Variants in RBM4B observed in about 807,000 individuals in gnomAD.
The protein encoded by RBM4B is RNA-binding protein 4B.
Under a neutral mutation model 28.5 loss-of-function variants are expected in RBM4B, and 13 were observed. That is an observed-to-expected ratio of 0.46 (90% CI 0.30 to 0.72). The LOEUF (loss-of-function observed/expected upper bound fraction) is 0.72, where lower values mean the gene tolerates loss of function less well. Ranked by LOEUF, RBM4B falls within the 30% of genes least tolerant of loss-of-function variation. The probability of loss-of-function intolerance (pLI) is 0.09; values close to 1 mark genes in which losing one functional copy is unlikely to be tolerated. For missense variants in RBM4B, 387 were observed against 477.6 expected, an observed-to-expected ratio of 0.81 and a Z score of 1.77; for synonymous variants, 167 against 179.1, an observed-to-expected ratio of 0.93 and a Z score of 0.54.
chr11:66,677,382 A>T, intron 1 of RBM4B: 1 of 458,112 alleles, frequency 2.2e-6, no homozygotes, highest in South Asian at 2.7e-5. Flanking sequence ...AAATGAGGGA[A>T]GAGAAAAGCC....
chr11:66,672,296 G>C (rs1014191542), intron 2 of RBM4B, among the ~76,000 whole-genome samples: 1 of 149,218 alleles, frequency 6.7e-6, no homozygotes, highest in Non-Finnish European at 1.5e-5. Flanking sequence ...TGCAGTCCCA[G>C]CTACTTGGGA....
intron 2 of RBM4B, chr11:66,670,807 CAAAAA>C: frequency 1.6e-5 from 8 of 511,728 alleles, no homozygotes; most frequent in East Asian, 3.2e-5. Flanking sequence ...GACTCCATCT[CAAAAA>C]AAAAAAAAAA....
At chr11:66,671,727 A>G (rs1468525794) in intron 2 of RBM4B, among the ~76,000 whole-genome samples, 2 of 152,056 alleles carry the variant, frequency 1.3e-5, no homozygotes, top group Non-Finnish European at 2.9e-5. Flanking sequence ...GGATGCAGGT[A>G]TCAATTTTTT....
intron 2 of RBM4B, among the ~76,000 whole-genome samples, chr11:66,672,635 G>A (rs551057611): frequency 6.6e-6 from 1 of 151,440 alleles, no homozygotes; most frequent in East Asian, 2.0e-4. Flanking sequence ...AGCTGGGACT[G>A]CAGGCGCACG....
chr11:66,670,935 C>T (rs1375077547), intron 2 of RBM4B: 5 of 702,504 alleles, frequency 7.1e-6, no homozygotes, highest in African/African-American at 7.0e-5. Context: ...CTTTAACAGA[C>T]CTTCTTCTGG....
chr11:66,665,745 C>T (rs1257226327), intron 3 of RBM4B, 167 bp from the exon 4 acceptor site: 12 of 1,301,394 alleles, frequency 9.2e-6, no homozygotes, highest in Non-Finnish European at 6.3e-6. Context: ...ACCTAGGAGT[C>T]TATCAATAGC....
In RBM4B at chr11:66,665,292, G is replaced by A. The variant is rs1939184548; in HGVS notation, c.*296C>T. 4.4e-6 allele frequency: 2 copies of A among 451,564 alleles called. No homozygotes were observed. The highest frequency in any genetic ancestry group is 8.0e-6 in the Non-Finnish European group (2 of 250,912). The allele number at this position is 451,564 out of a possible 1,614,324, so 28.0% of individuals were successfully genotyped here. On this transcript the variant is annotated 3_prime_UTR_variant, in exon 4 of 4. Transcript: ENST00000310046. Reference sequence around the variant, plus strand: ...AGGATTCAACTCCTAGGGAAAGCAAGATAAGAGGGGTTCCACTGCACAGGA... The same window carrying A: ...AGGATTCAACTCCTAGGGAAAGCAAAATAAGAGGGGTTCCACTGCACAGGA...
intron 2 of RBM4B, chr11:66,676,060 C>T (rs1445565147): frequency 1.3e-5 from 2 of 152,672 alleles, no homozygotes; most frequent in African/African-American, 2.4e-5. Flanking sequence ...TTAGAAATTT[C>T]CTTTTCTGAG....
chr11:66,673,540 A>C (rs1039058255), intron 2 of RBM4B, among the ~76,000 whole-genome samples: 2 of 152,040 alleles, frequency 1.3e-5, no homozygotes, highest in Admixed American at 6.6e-5. Context: ...ACTCACTGCA[A>C]CCTCCGCCTC....
intron 2 of RBM4B, 118 bp downstream of exon 2, chr11:66,676,547 CTAT>C (rs1939641710): frequency 8.5e-7 from 1 of 1,172,996 alleles, no homozygotes; most frequent in South Asian, 1.5e-5. Context: ...TAAACATAAT[CTAT>C]TATTTCCAGC....
In RBM4B at chr11:66,669,031, G is replaced by C; in HGVS notation, c.673C>G (p.Arg225Gly). ...GCTACTGCCTCATAAGAGCGGACCC[G>C]GTATCGCTTATAGTAGTCGAGTGCT... ...YGALDYYKRY[R>G]VRSYEAVAAA... Residue 225 changes from arginine (R) to glycine (G), a missense_variant, in exon 3 of 4, where the codon CGG (arginine) becomes GGG (glycine). Transcript: ENST00000310046. 6.2e-7 allele frequency: 1 copy of C among 1,614,170 alleles called. No homozygotes were observed. The highest frequency in any genetic ancestry group is 8.5e-7 in the Non-Finnish European group (1 of 1,180,038).
intron 3 of RBM4B, 44 bp downstream of exon 3, chr11:66,668,571 G>C (rs1205454794): frequency 6.7e-7 from 1 of 1,489,624 alleles, no homozygotes. Context: ...TCTCTTTCAA[G>C]GGAACTAAAT....
chr11:66,669,523 C>T (rs1357585193), intron 2 of RBM4B, among the ~76,000 whole-genome samples: 3 of 151,990 alleles, frequency 2.0e-5, no homozygotes, highest in African/African-American at 7.2e-5. Context: ...CTCAGCTCAC[C>T]GCAACCTCCA....
At chr11:66,677,365 T>A (rs1939673726) in intron 1 of RBM4B, 1 of 494,342 alleles carries the variant, frequency 2.0e-6, no homozygotes. Flanking sequence ...AGCTGCTTCA[T>A]GTCTTAAAAT....
At chr11:66,672,276 G>A (rs1053020797) in intron 2 of RBM4B, among the ~76,000 whole-genome samples, 1 of 151,202 alleles carries the variant, frequency 6.6e-6, no homozygotes, top group Non-Finnish European at 1.5e-5. Context: ...TGGGCATGGT[G>A]GCACATGCCT....
chr11:66,670,609 A>C (rs373229053), intron 2 of RBM4B, among the ~76,000 whole-genome samples: 2 of 152,182 alleles, frequency 1.3e-5, no homozygotes, highest in African/African-American at 4.8e-5. Context: ...AAAGAAAAGG[A>C]GTATTCCTGG....
In RBM4B at chr11:66,676,772, G is replaced by A. The variant is rs781441015; in HGVS notation, c.308C>T (p.Pro103Leu). 3 of 1,614,002 alleles carry A rather than the reference G, an allele frequency of 1.9e-6. No homozygotes were observed. Among genetic ancestry groups the A allele is most frequent in the South Asian group, 1.1e-5 (1 of 91,080 alleles). Residue 103 changes from proline to leucine, a missense_variant, in exon 2 of 4, where the codon CCG becomes CTG. Coordinates refer to ENST00000310046, the MANE Select transcript of RBM4B (RefSeq NM_031492.4). ...ELRAKFEEYGPVIECDIVKDY... is the reference protein window; with the variant it reads ...ELRAKFEEYGLVIECDIVKDY... ...TTTCACGATGTCACATTCGATGACC[G>A]GACCATACTCCTCAAACTTGGCTCG... is the stretch of plus-strand genomic sequence containing the variant.
intron 2 of RBM4B, among the ~76,000 whole-genome samples, chr11:66,673,249 G>C (rs1939527327): frequency 6.6e-6 from 1 of 151,892 alleles, no homozygotes; most frequent in African/African-American, 2.4e-5. Flanking sequence ...TTGTTATTTG[G>C]GAATAGCTTC....
At chr11:66,665,610 C>G in intron 3 of RBM4B, 32 bp from the exon 4 acceptor site, 2 of 1,535,880 alleles carry the variant, frequency 1.3e-6, no homozygotes, top group Non-Finnish European at 1.7e-6. Flanking sequence ...GAGGCTTACA[C>G]AATGCCTGGA....
Sources: gnomAD v4.1 joint callset for allele counts (sites outside exome capture counted in the v4.1 genomes callset) on GRCh38, gnomAD v4.1.1 for gene constraint, MANE v1.5 for transcripts, NCBI Gene and HGNC (gene_info 2026-07-23, HGNC 2026-07-21) for gene names.